PCGF3: variants seen among roughly 807,000 people sequenced by gnomAD.
PCGF3 encodes the protein polycomb group RING finger protein 3.
PCGF3 carries 7 observed loss-of-function variants against 33.1 expected under a neutral mutation model. The ratio of observed to expected loss-of-function variants is 0.21; its 90% CI spans 0.12 to 0.40. The LOEUF is 0.40. Ranked by LOEUF, PCGF3 falls within the 10% of genes least tolerant of loss-of-function variation. PCGF3 has a pLI of 1.00. For synonymous variants in PCGF3, 153 were observed against 121.3 expected (o/e 1.26, Z -1.72); for missense variants, 211 against 313.3 (o/e 0.67, Z 2.46).
chr4:766,231 A>G (rs748335745), exon 11 of PCGF3: 5 of 623,850 alleles, frequency 8.0e-6, no homozygotes, highest in South Asian at 1.9e-5. Flanking sequence ...TTCACACTCA[A>G]CAAGACACTA....
intron 9 of PCGF3, 78 bp downstream of exon 9, chr4:761,494 G>A: frequency 6.9e-7 from 1 of 1,447,570 alleles, no homozygotes; most frequent in South Asian, 1.4e-5. Flanking sequence ...TCTTTGCTTA[G>A]TTTTGTTTTG....
chr4:761,305 C>T, exon 9 of PCGF3: 6 of 1,600,524 alleles, frequency 3.7e-6, no homozygotes, highest in Non-Finnish European at 5.1e-6. Flanking sequence ...AGTGTAACAG[C>T]AGCAAACTGC....
intron 8 of PCGF3, among the ~76,000 whole-genome samples, chr4:754,794 A>G (rs1475115434): frequency 3.3e-5 from 5 of 152,204 alleles, no homozygotes; most frequent in Admixed American, 2.0e-4. Flanking sequence ...CTCTGCAGTG[A>G]GCTGCCTGCA....
Position 733,666 on chromosome 4 carries a change from T to C in PCGF3, c.-9-6T>C. The C allele has an allele frequency of 1.3e-6, 2 of 1,597,416 alleles. No homozygotes were observed. Among genetic ancestry groups the C allele is most frequent in the Non-Finnish European group, 1.7e-6 (2 of 1,176,642 alleles). On this transcript the variant is annotated splice_region_variant and splice_polypyrimidine_tract_variant and intron_variant, in intron 3 of 10. Coordinates refer to ENST00000362003, the Ensembl canonical transcript of PCGF3. Reference sequence around the variant, plus strand: ...AGGTGTTAATTAATCGCGTTTTCTCTTGTAGAAGCCAAAGATGTTGACCAG... The same window carrying C: ...AGGTGTTAATTAATCGCGTTTTCTCCTGTAGAAGCCAAAGATGTTGACCAG...
intron 1 of PCGF3, among the ~76,000 whole-genome samples, chr4:717,106 G>A (rs1378582893): frequency 4.5e-5 from 4 of 89,406 alleles, no homozygotes; most frequent in African/African-American, 1.9e-4. Flanking sequence ...TCGGTGCTGG[G>A]ACCCTGTAGA....
chr4:737,391 T>A, intron 5 of PCGF3, 75 bp from the exon 6 acceptor site: 1 of 964,956 alleles, frequency 1.0e-6, no homozygotes, highest in East Asian at 2.4e-5. Flanking sequence ...AACTTTGATA[T>A]TGTTAAATGG....
At chr4:739,897 C>A (rs891299325) in intron 6 of PCGF3, among the ~76,000 whole-genome samples, 3 of 152,222 alleles carry the variant, frequency 2.0e-5, no homozygotes, top group Non-Finnish European at 2.9e-5. Flanking sequence ...CACGGTGGCC[C>A]CGAGCCGCCT....
chr4:761,768 A>G, intron 9 of PCGF3: 5 of 985,454 alleles, frequency 5.1e-6, no homozygotes, highest in Non-Finnish European at 6.0e-6. Flanking sequence ...GGACCCTTCC[A>G]GGCTGTGGTG....
At chr4:761,503 T>A in intron 9 of PCGF3, 87 bp downstream of exon 9, 2 of 1,454,038 alleles carry the variant, frequency 1.4e-6, no homozygotes, top group Non-Finnish European at 1.8e-6. Flanking sequence ...AGTTTTGTTT[T>A]GTTTTTAACA....
intron 1 of PCGF3, among the ~76,000 whole-genome samples, chr4:716,016 T>A (rs1164202071): frequency 2.9e-5 from 4 of 138,568 alleles, no homozygotes; most frequent in African/African-American, 1.1e-4. Context: ...TGGGACCCTG[T>A]AGACACTGAG....
chr4:736,424 G>A (rs1250926201), intron 5 of PCGF3, among the ~76,000 whole-genome samples: 3 of 152,252 alleles, frequency 2.0e-5, no homozygotes, highest in Non-Finnish European at 2.9e-5. Flanking sequence ...CAAAGACCAG[G>A]AGACCCCAGG....
chr4:719,604 C>T (rs1033010504), intron 1 of PCGF3, among the ~76,000 whole-genome samples: 2 of 152,216 alleles, frequency 1.3e-5, no homozygotes, highest in African/African-American at 4.8e-5. Context: ...AGGAGCGAGG[C>T]GTTTACGCCA....
At chr4:707,799 C>A (rs867771313) in intron 1 of PCGF3, among the ~76,000 whole-genome samples, 58 of 109,458 alleles carry the variant, frequency 5.3e-4, no homozygotes, top group South Asian at 7.7e-4. Flanking sequence ...CTCTGTTTTC[C>A]CCTGGGGGCC....
At chr4:734,580 TC>T (rs2109616629) in intron 4 of PCGF3, 1 of 1,164,792 alleles carries the variant, frequency 8.6e-7, no homozygotes, top group African/African-American at 1.6e-5. Flanking sequence ...GAAGATACTG[TC>T]ATCTTTTAGG....
chr4:733,824 C>T (rs773250491), intron 4 of PCGF3, 35 bp downstream of exon 4: 17 of 1,613,606 alleles, frequency 1.1e-5, no homozygotes, highest in Admixed American at 1.7e-5. Context: ...AGGGAGGGCG[C>T]GCCCTTCCCA....
rs570528684 is a variant in PCGF3 at position 755,904 on chromosome 4, C to CTTTTT, written c.463-5351_463-5347dup. Among the ~76,000 whole-genome samples, 20 of 87,198 alleles carry CTTTTT rather than the reference C, an allele frequency of 2.3e-4. 1 individual carries two copies. The highest frequency in any genetic ancestry group is 1.4e-3 in the South Asian group (3 of 2,214). The allele number at this position is 87,198 out of a possible 152,430, so 57.2% of individuals were successfully genotyped here. ...CTCATTTTTCTTCTTCAGAATTGTC[C>CTTTTT]TTTTTTTTTTTTTTTTTTTTTTTTT... On this transcript the variant is annotated intron_variant, in intron 8 of 10. Transcript: ENST00000362003.
chr4:768,248 T>C (rs534777303), exon 11 of PCGF3: 63 of 152,796 alleles, frequency 4.1e-4, no homozygotes, highest in African/African-American at 1.5e-3. Flanking sequence ...TTCTAGGAGT[T>C]CATCGTGCAG....
intron 5 of PCGF3, among the ~76,000 whole-genome samples, chr4:736,239 G>A (rs1743816227): frequency 6.6e-6 from 1 of 151,970 alleles, no homozygotes; most frequent in African/African-American, 2.4e-5. Context: ...GTAGAGATAG[G>A]GTTTCACCAT....
chr4:706,427 G>T (rs1286729996), intron 1 of PCGF3, among the ~76,000 whole-genome samples: 1 of 140,596 alleles, frequency 7.1e-6, no homozygotes, highest in African/African-American at 2.6e-5. Flanking sequence ...GACTCCGGGA[G>T]GTCGAAGACC....
Sources: allele counts gnomAD v4.1 joint callset (sites outside exome capture counted in the v4.1 genomes callset), GRCh38; gene constraint gnomAD v4.1.1; transcripts MANE v1.5; gene names NCBI Gene and HGNC (gene_info 2026-07-23, HGNC 2026-07-21).